The following ATP1A2 variants were observed in gnomAD, a reference collection of about 807,000 sequenced individuals.
ATP1A2 encodes the protein ATPase Na+/K+ transporting subunit alpha 2.
Under a neutral mutation model 113.1 loss-of-function variants are expected in ATP1A2, and 56 were observed. The ratio of observed to expected loss-of-function variants is 0.49; its 90% CI spans 0.40 to 0.62. ATP1A2 has a LOEUF of 0.62. Among genes scored for constraint, ATP1A2 ranks in the 20% least tolerant of loss-of-function variants. ATP1A2 has a pLI of 0.00. For synonymous variants in ATP1A2, 490 were observed against 526.8 expected (o/e 0.93, Z 0.96); for missense variants, 712 against 1,357.8 (o/e 0.52, Z 7.47).
At chr1:160,130,641 C>CCAG in intron 13 of ATP1A2, 44 bp downstream of exon 13, 1 of 1,613,144 alleles carries the variant, frequency 6.2e-7, no homozygotes, top group Non-Finnish European at 8.5e-7. Flanking sequence ...CTCCCCCATG[C>CCAG]CAGAGTTCAA....
At position 160,125,854 on chromosome 1, in the gene ATP1A2, C is replaced by A. The variant is rs1651569709; in HGVS notation, c.748+601C>A. Among the ~76,000 whole-genome samples, 3 of 152,192 alleles carry A rather than the reference C, an allele frequency of 2.0e-5. No homozygotes were observed. The South Asian group carries it at 6.2e-4, about 31-fold the overall frequency. ...AGATAAACAAAGGTCAATAAGAACT[C>A]CCAGAGCTGCCATCACTTAATGGCA... On this transcript the variant is annotated intron_variant, in intron 7 of 22. Transcript: ENST00000361216.
chr1:160,120,620 C>T (rs1651361384), intron 1 of ATP1A2, among the ~76,000 whole-genome samples: 2 of 152,164 alleles, frequency 1.3e-5, no homozygotes, highest in Non-Finnish European at 2.9e-5. Context: ...GTCCTTTCAA[C>T]AAACAAAATC....
chr1:160,122,268 G>A (rs1256047807), intron 3 of ATP1A2, among the ~76,000 whole-genome samples: 1 of 152,046 alleles, frequency 6.6e-6, no homozygotes, highest in Non-Finnish European at 1.5e-5. Flanking sequence ...TTTTCTATCT[G>A]GCACTAATAT....
chr1:160,123,425 A>G lies in ATP1A2; in HGVS notation c.381+9A>G, dbSNP rs1399775842. On this transcript the variant is annotated intron_variant, in intron 4 of 22. Transcript: ENST00000361216. ...AACCATCCAACGACAATGTGAGCCC[A>G]CACGCCCGACCCGGGAACAGCCCGT... The G allele has an allele frequency of 6.2e-7, 1 of 1,614,116 alleles. No homozygotes were observed. The highest frequency in any genetic ancestry group is 8.5e-7 in the Non-Finnish European group (1 of 1,180,014).
chr1:160,129,200 G>A (rs1156733776), intron 10 of ATP1A2, 66 bp from the exon 11 acceptor site: 23 of 1,612,090 alleles, frequency 1.4e-5, no homozygotes, highest in South Asian at 8.8e-5. Context: ...TTTCAGTGCC[G>A]CCTTCACCTG....
At chr1:160,120,770 T>A in intron 1 of ATP1A2, 136 bp from the exon 2 acceptor site, 1 of 842,918 alleles carries the variant, frequency 1.2e-6, no homozygotes, top group Non-Finnish European at 1.9e-6. Flanking sequence ...TCACCCTCCA[T>A]CCCCCCTATC....
intron 13 of ATP1A2, 81 bp from the exon 14 acceptor site, chr1:160,134,403 T>C: frequency 6.2e-7 from 1 of 1,603,650 alleles, no homozygotes; most frequent in Non-Finnish European, 8.5e-7. Flanking sequence ...GCTATCTAGC[T>C]TTCTCTTACT....
At chr1:160,125,477 T>A in intron 7 of ATP1A2, 1 of 561,944 alleles carries the variant, frequency 1.8e-6, no homozygotes, top group South Asian at 2.0e-5. Context: ...CAGGGAGATC[T>A]CTGTTCTGTC....
At chr1:160,132,096 A>T (rs112299000) in intron 13 of ATP1A2, among the ~76,000 whole-genome samples, 82 of 152,234 alleles carry the variant, frequency 5.4e-4, no homozygotes, top group African/African-American at 1.9e-3. Context: ...AAAAGGAATG[A>T]TATTTGAGCT....
In ATP1A2 at chr1:160,140,846, C is replaced by CTTTTTT. The variant is rs1045304439; in HGVS notation, c.3035-424_3035-419dup. On this transcript the variant is annotated intron_variant, in intron 22 of 22. Coordinates refer to ENST00000361216, the MANE Select transcript of ATP1A2 (RefSeq NM_000702.4). The stretch of plus-strand genomic sequence containing the variant: ...ACCTCCTTCTCCTCCCTTTCACCTT[C>CTTTTTT]TTTTTTTTTTTTTTTTTTTTTTTTT... 4.9e-3 allele frequency: 424 copies of CTTTTTT among 87,084 alleles called. 70 individuals are homozygous for CTTTTTT. Among genetic ancestry groups the CTTTTTT allele is most frequent in the African/African-American group, 0.015 (279 of 18,094 alleles). The allele number at this position is 87,084 out of a possible 1,614,324, so 5.4% of individuals were successfully genotyped here.
In ATP1A2 at chr1:160,135,775, T is replaced by A; in HGVS notation, c.2285-64T>A. On this transcript the variant is annotated intron_variant, in intron 16 of 22. Transcript: ENST00000361216. This position sits in a 1 kb window ranked among gnomAD's most constrained non-coding sequence, Gnocchi z 6.3. The stretch of plus-strand genomic sequence containing the variant: ...TCTTGGGAAGACAGGCAGCCATGCT[T>A]CAGGGGCTGGGGGTGGGGAAGAGTC... The A allele has an allele frequency of 1.2e-6, 2 of 1,613,334 alleles. No homozygotes were observed. Among genetic ancestry groups the A allele is most frequent in the Non-Finnish European group, 1.7e-6 (2 of 1,179,350 alleles).
At chr1:160,117,116 G>T (rs1317372529) in intron 1 of ATP1A2, among the ~76,000 whole-genome samples, 2 of 152,102 alleles carry the variant, frequency 1.3e-5, no homozygotes, top group African/African-American at 4.8e-5. Flanking sequence ...CTGTGTGGGG[G>T]TGCTTGAGAG....
At chr1:160,138,136 A>G (rs1652015014) in intron 20 of ATP1A2, among the ~76,000 whole-genome samples, 1 of 152,214 alleles carries the variant, frequency 6.6e-6, no homozygotes, top group Non-Finnish European at 1.5e-5. Context: ...AATGAAAATC[A>G]GGCTGGGTAC....
Position 160,128,855 on chromosome 1 carries a change from T to C in ATP1A2, c.1216+5T>C, listed in dbSNP as rs780155641. 2.3e-5 allele frequency: 37 copies of C among 1,613,708 alleles called. No individual in the cohort carries two copies. Among genetic ancestry groups the C allele is most frequent in the Non-Finnish European group, 3.1e-5 (36 of 1,179,906 alleles). On this transcript the variant is annotated splice_donor_5th_base_variant and intron_variant, in intron 9 of 22. Coordinates refer to ENST00000361216, the MANE Select transcript of ATP1A2 (RefSeq NM_000702.4). ...ACACCACCGAAGATCAGTCTGGTGATTGGGTGCTCCAGAGGGGGTGGATAG... is the reference window on the plus strand; with the variant it reads ...ACACCACCGAAGATCAGTCTGGTGACTGGGTGCTCCAGAGGGGGTGGATAG...
chr1:160,125,269 G>A lies in ATP1A2; in HGVS notation c.748+16G>A, dbSNP rs754015551. ...TGTGTTGAAGGTGAGAAGCCAGGCTGCCCCCTGTAGGAAAGAGTCTGAATC... is the reference window on the plus strand; with the variant it reads ...TGTGTTGAAGGTGAGAAGCCAGGCTACCCCCTGTAGGAAAGAGTCTGAATC... On this transcript the variant is annotated intron_variant, in intron 7 of 22. Transcript: ENST00000361216. The A allele has an allele frequency of 1.3e-6, 2 of 1,596,672 alleles. No homozygotes were observed. The highest frequency in any genetic ancestry group is 1.7e-6 in the Non-Finnish European group (2 of 1,164,294).
At chr1:160,130,373 C>T in intron 12 of ATP1A2, 49 bp from the exon 13 acceptor site, 1 of 1,614,098 alleles carries the variant, frequency 6.2e-7, no homozygotes, top group Non-Finnish European at 8.5e-7. Context: ...GTGGGGGCGT[C>T]CAGGAAGCCA....
chr1:160,126,389 G>T (rs1651588252), intron 7 of ATP1A2, among the ~76,000 whole-genome samples: 1 of 152,052 alleles, frequency 6.6e-6, no homozygotes, highest in African/African-American at 2.4e-5. Context: ...GAGGTTGGTT[G>T]AATCTATGGA....
chr1:160,121,108 C>T (rs1339337029), intron 2 of ATP1A2, 84 bp from the exon 3 acceptor site: 2 of 1,599,316 alleles, frequency 1.3e-6, no homozygotes, highest in Non-Finnish European at 1.7e-6. Context: ...CCCCATGCTG[C>T]TCAACTCACC....
At chr1:160,121,393 A>G (rs1275369768) in intron 3 of ATP1A2, 142 bp downstream of exon 3, 9 of 970,786 alleles carry the variant, frequency 9.3e-6, no homozygotes, top group Non-Finnish European at 1.5e-5. Context: ...TGGCCCAAGG[A>G]CATGCAGCTA....
Sources: gnomAD v4.1 joint callset for allele counts (sites outside exome capture counted in the v4.1 genomes callset) on GRCh38, gnomAD v4.1.1 for gene constraint, Gnocchi (gnomAD v3.1) non-coding constraint, MANE v1.5 for transcripts, NCBI Gene and HGNC (gene_info 2026-07-23, HGNC 2026-07-21) for gene names.